The following MAGI1 variants were observed in gnomAD, a reference collection of about 807,000 sequenced individuals.
MAGI1 encodes the protein membrane associated guanylate kinase, WW and PDZ domain containing 1.
A neutral mutation model predicts 139.9 loss-of-function variants in MAGI1; 58 were observed. That is an observed-to-expected ratio of 0.41 (90% CI 0.34 to 0.52). The LOEUF (loss-of-function observed/expected upper bound fraction) is 0.52. Ranked by LOEUF, MAGI1 falls within the 20% of genes least tolerant of loss-of-function variation. The pLI is 0.12. For missense variants in MAGI1, 1,874 were observed against 1,901.6 expected (o/e 0.99, Z 0.27); for synonymous variants, 812 against 737.9 (o/e 1.10, Z -1.63).
chr3:65,799,415 C>A (rs531675614), intron 1 of MAGI1, among the ~76,000 whole-genome samples: 2 of 152,114 alleles, frequency 1.3e-5, no homozygotes, highest in Admixed American at 6.5e-5. Context: ...TTGCAAGTAG[C>A]GAATGGTTGT....
chr3:65,526,756 T>C (rs1020999931), intron 2 of MAGI1, among the ~76,000 whole-genome samples: 3 of 152,174 alleles, frequency 2.0e-5, no homozygotes, highest in African/African-American at 7.2e-5. Flanking sequence ...AGTGCTATGA[T>C]GGGAGCATTC....
intron 1 of MAGI1, among the ~76,000 whole-genome samples, chr3:66,025,377 C>CA (rs60966629): frequency 2.6e-5 from 4 of 151,038 alleles, no homozygotes; most frequent in South Asian, 2.1e-4. Context: ...TGTCTCTACC[C>CA]AAAAAAAAAT....
At chr3:65,622,205 G>C in intron 1 of MAGI1, 117 bp from the exon 2 acceptor site, 1 of 743,632 alleles carries the variant, frequency 1.3e-6, no homozygotes, top group Non-Finnish European at 2.4e-6. Context: ...GCCACCCCTA[G>C]TCATTAGGAG....
chr3:65,897,003 T>C (rs1289934901), intron 1 of MAGI1, among the ~76,000 whole-genome samples: 1 of 152,168 alleles, frequency 6.6e-6, no homozygotes, highest in Non-Finnish European at 1.5e-5. Context: ...ATCTCTGATA[T>C]AAAATGGTAC....
rs186562676 is a variant in MAGI1 at position 65,926,333 on chromosome 3, C to T, written c.313+111663G>A. Among the ~76,000 whole-genome samples the T allele has an allele frequency of 7.1e-3, 1,016 of 142,230 alleles. 4 individuals carry two copies. The highest frequency in any genetic ancestry group is 0.012 in the Non-Finnish European group (794 of 66,782). 93.3% of individuals were successfully genotyped at this position (142,230 alleles called of 152,430 possible). A position where few individuals can be genotyped will look rare whatever the true frequency, so the allele number is the denominator to read the frequency against. On this transcript the variant is annotated intron_variant, in intron 1 of 22. Coordinates refer to ENST00000402939, the MANE Select transcript of MAGI1 (RefSeq NM_001033057.2). ...CCAAGACTGAAGTCTTCTTTTCTCT[C>T]TCTCTCTCTCTCTCTCTCTCTCTCT...
At chr3:65,919,954 T>TC (rs1228286676) in intron 1 of MAGI1, among the ~76,000 whole-genome samples, 1 of 152,160 alleles carries the variant, frequency 6.6e-6, no homozygotes, top group African/African-American at 2.4e-5. Context: ...TCCTGGAAAC[T>TC]CAGGAATGAA....
At chr3:65,884,505 T>C (rs1302313722) in intron 1 of MAGI1, among the ~76,000 whole-genome samples, 4 of 152,238 alleles carry the variant, frequency 2.6e-5, no homozygotes, top group Non-Finnish European at 5.9e-5. Context: ...AGAATACATT[T>C]AAGACAACTT....
chr3:65,650,078 C>G (rs2085496146), intron 1 of MAGI1, among the ~76,000 whole-genome samples: 1 of 152,156 alleles, frequency 6.6e-6, no homozygotes, highest in Non-Finnish European at 1.5e-5. Flanking sequence ...AAGAGGTGAT[C>G]ATGACTGGAT....
chr3:66,038,116 C>T lies in MAGI1; in HGVS notation c.193G>A (p.Gly65Ser). Residue 65 changes from glycine (G) to serine (S), a missense_variant, in exon 1 of 23, where the codon GGC (glycine) becomes AGC (serine). Around this residue, in one of 5 missense-constraint regions of MAGI1, gnomAD observed 648 missense variants for 598.1 expected, o/e 1.08. Transcript: ENST00000402939. ...LPGGGEGPRL[G>S]EGELLLEVQG... is the part of the protein sequence containing the mutation. ...ACCTCCAGAAGCAGCTCCCCTTCGC[C>T]CAGCCTCGGGCCCTCGCCGCCGCCG... The T allele has an allele frequency of 6.2e-7, 1 of 1,612,706 alleles. No individual in the cohort carries two copies. Among genetic ancestry groups the T allele is most frequent in the Admixed American group, 1.7e-5 (1 of 59,992 alleles).
intron 2 of MAGI1, among the ~76,000 whole-genome samples, chr3:65,531,955 T>TA (rs1341356593): frequency 6.6e-6 from 1 of 152,186 alleles, no homozygotes; most frequent in African/African-American, 2.4e-5. Context: ...GCCCTGCACT[T>TA]ACATCCCACA....
chr3:65,614,334 T>C (rs1476763632), intron 2 of MAGI1, among the ~76,000 whole-genome samples: 1 of 152,124 alleles, frequency 6.6e-6, no homozygotes, highest in Non-Finnish European at 1.5e-5. Context: ...GGCTGTAAAA[T>C]GCAGTGGTTT....
intron 10 of MAGI1, among the ~76,000 whole-genome samples, chr3:65,432,982 C>G (rs1046600364): frequency 6.6e-6 from 1 of 152,174 alleles, no homozygotes; most frequent in African/African-American, 2.4e-5. Context: ...GCATTTACCA[C>G]CTTCCAAAAG....
chr3:65,770,517 A>G (rs1314855963), intron 1 of MAGI1, among the ~76,000 whole-genome samples: 2 of 152,112 alleles, frequency 1.3e-5, no homozygotes, highest in Admixed American at 1.3e-4. Context: ...GCCTCAGTTT[A>G]CTCTTGTGTA....
chr3:65,719,776 G>A lies in MAGI1; in HGVS notation c.314-97688C>T, dbSNP rs565124525. Among the ~76,000 whole-genome samples, 25 of 152,078 alleles carry A rather than the reference G, an allele frequency of 1.6e-4. No individual in the cohort carries two copies. The South Asian group carries it at 5.2e-3, about 32-fold the overall frequency. On this transcript the variant is annotated intron_variant, in intron 1 of 22. Transcript: ENST00000402939. Reference sequence around the variant, plus strand: ...TGGCCAGGCTGGTCTCAAACTCCTGGGCTCAAGAGATCCATCTGCCTTGCT... The same window carrying A: ...TGGCCAGGCTGGTCTCAAACTCCTGAGCTCAAGAGATCCATCTGCCTTGCT...
intron 1 of MAGI1, among the ~76,000 whole-genome samples, chr3:65,856,997 C>T (rs896546400): frequency 1.3e-5 from 2 of 152,214 alleles, no homozygotes; most frequent in African/African-American, 2.4e-5. Flanking sequence ...AAAACCAATA[C>T]ACCCTGACGG....
At chr3:65,376,406 TTC>T (rs1036116753) in intron 17 of MAGI1, among the ~76,000 whole-genome samples, 1 of 152,222 alleles carries the variant, frequency 6.6e-6, no homozygotes, top group Non-Finnish European at 1.5e-5. Flanking sequence ...GTTTTGTTCT[TTC>T]TCTGTTTAGA....
chr3:65,456,022 C>T (rs971141940), intron 5 of MAGI1, among the ~76,000 whole-genome samples: 4 of 152,146 alleles, frequency 2.6e-5, no homozygotes, highest in African/African-American at 9.7e-5. Context: ...TAAGTGTTCA[C>T]TTCTCTGGGA....
chr3:65,618,387 A>G lies in MAGI1; in HGVS notation c.430+3585T>C, dbSNP rs140872039. 4.4e-3 allele frequency among the ~76,000 whole-genome samples: 674 copies of G among 152,300 alleles called. 4 individuals are homozygous for G. The highest frequency in any genetic ancestry group is 0.015 in the African/African-American group (608 of 41,572). On this transcript the variant is annotated intron_variant, in intron 2 of 22. Coordinates refer to ENST00000402939, the MANE Select transcript of MAGI1 (RefSeq NM_001033057.2). ...CTTAGATATGCTAAGAAAATCATGT[A>G]ATGATTTTTTTGAATCTGAATAATC...
intron 1 of MAGI1, among the ~76,000 whole-genome samples, chr3:66,000,447 G>T (rs959167321): frequency 6.6e-6 from 1 of 151,340 alleles, no homozygotes; most frequent in Non-Finnish European, 1.5e-5. Context: ...TAAACGCAGG[G>T]TTTAAAAAAA....
Sources: allele counts gnomAD v4.1 joint callset (sites outside exome capture counted in the v4.1 genomes callset), GRCh38; gene constraint gnomAD v4.1.1; regional missense constraint gnomAD v4.1.1; transcripts MANE v1.5; gene names NCBI Gene and HGNC (gene_info 2026-07-23, HGNC 2026-07-21).